DESI2: variants seen among roughly 807,000 people sequenced by gnomAD.
DESI2 encodes desumoylating isopeptidase 2.
Under a neutral mutation model 24.1 loss-of-function variants are expected in DESI2, and 10 were observed. The ratio of observed to expected loss-of-function variants is 0.41; its 90% CI spans 0.26 to 0.70. The LOEUF (loss-of-function observed/expected upper bound fraction) is 0.70. DESI2 is among the 30% of genes least tolerant of loss of function. DESI2 has a pLI of 0.29. For missense variants in DESI2, 122 were observed against 234.9 expected (o/e 0.52, Z 3.14); for synonymous variants, 71 against 87.7 (o/e 0.81, Z 1.06).
chr1:244,653,504 A>T (rs1206573396), intron 1 of DESI2, 149 bp downstream of exon 1: 1 of 742,540 alleles, frequency 1.3e-6, no homozygotes, highest in Admixed American at 3.9e-5. Flanking sequence ...AGGAGGGAGT[A>T]TTGTTATTTT....
chr1:244,686,532 C>G, intron 1 of DESI2, 65 bp from the exon 2 acceptor site: 1 of 1,007,924 alleles, frequency 9.9e-7, no homozygotes, highest in Non-Finnish European at 1.6e-6. Flanking sequence ...GCAGTCACTT[C>G]TGTAGCGCGG....
At chr1:244,702,519 A>T in intron 4 of DESI2, among the ~76,000 whole-genome samples, 2 of 146,750 alleles carry the variant, frequency 1.4e-5, no homozygotes, top group South Asian at 4.2e-4. Flanking sequence ...ATCTCAAAAA[A>T]TAAATAAATA....
chr1:244,686,508 T>C, intron 1 of DESI2, 89 bp from the exon 2 acceptor site: 1 of 812,210 alleles, frequency 1.2e-6, no homozygotes, highest in Non-Finnish European at 2.1e-6. Flanking sequence ...AGTTTCAGAG[T>C]GAAAGACTGG....
chr1:244,657,068 C>T (rs1675673032), intron 1 of DESI2, among the ~76,000 whole-genome samples: 1 of 152,218 alleles, frequency 6.6e-6, no homozygotes, highest in Non-Finnish European at 1.5e-5. Flanking sequence ...CCACTGTGCC[C>T]AGCCAGTACC....
chr1:244,659,390 G>A (rs1281350214), intron 1 of DESI2, among the ~76,000 whole-genome samples: 1 of 152,096 alleles, frequency 6.6e-6, no homozygotes, highest in Non-Finnish European at 1.5e-5. Flanking sequence ...GTCTTCACAA[G>A]CCCAAGATCA....
intron 1 of DESI2, among the ~76,000 whole-genome samples, chr1:244,658,224 G>A (rs1675713172): frequency 6.6e-6 from 1 of 152,116 alleles, no homozygotes; most frequent in South Asian, 2.1e-4. Flanking sequence ...AGGATAAAGT[G>A]TAATGCACTT....
chr1:244,660,366 C>A (rs1675799347), intron 1 of DESI2, among the ~76,000 whole-genome samples: 2 of 152,158 alleles, frequency 1.3e-5, no homozygotes, highest in South Asian at 4.1e-4. Flanking sequence ...CAGGGTTTCA[C>A]CATGTTGGCC....
chr1:244,705,480 C>CA, intron 4 of DESI2, 76 bp from the exon 5 acceptor site: 4 of 1,309,400 alleles, frequency 3.1e-6, no homozygotes, highest in Non-Finnish European at 4.4e-6. Flanking sequence ...CCCCTCCTCC[C>CA]ACCCTCCACT....
intron 4 of DESI2, among the ~76,000 whole-genome samples, chr1:244,700,632 T>A (rs575090208): frequency 6.6e-6 from 1 of 152,310 alleles, no homozygotes; most frequent in Admixed American, 6.5e-5. Context: ...CCCCCACCAG[T>A]AGATGAAACT....
intron 1 of DESI2, among the ~76,000 whole-genome samples, chr1:244,665,841 G>T (rs535887938): frequency 6.6e-6 from 1 of 152,190 alleles, no homozygotes; most frequent in Non-Finnish European, 1.5e-5. Flanking sequence ...GTGTGAGCCA[G>T]TTCCTTAAAA....
Position 244,708,914 on chromosome 1 carries a change from T to C in DESI2, c.*3125T>C, listed in dbSNP as rs1318244049. 6.6e-6 allele frequency: 1 copy of C among 152,666 alleles called. No individual in the cohort carries two copies. Among genetic ancestry groups the C allele is most frequent in the African/African-American group, 2.4e-5 (1 of 41,456 alleles). The allele number at this position is 152,666 out of a possible 1,614,324, so 9.5% of individuals were successfully genotyped here. On this transcript the variant is annotated 3_prime_UTR_variant, in exon 5 of 5. Coordinates refer to ENST00000302550, the MANE Select transcript of DESI2 (RefSeq NM_016076.5). ...GAAGTTGAATGCAAGTGTACTGTCATTCATAGTGTTTATATCAAAATACCA... is the reference window on the plus strand; with the variant it reads ...GAAGTTGAATGCAAGTGTACTGTCACTCATAGTGTTTATATCAAAATACCA...
intron 4 of DESI2, among the ~76,000 whole-genome samples, chr1:244,701,863 C>T (rs1378172895): frequency 6.6e-6 from 1 of 152,086 alleles, no homozygotes; most frequent in African/African-American, 2.4e-5. Flanking sequence ...ATTTATTCAA[C>T]CTGTTAATGG....
intron 4 of DESI2, 49 bp from the exon 5 acceptor site, chr1:244,705,507 G>C (rs778513614): frequency 6.5e-7 from 1 of 1,537,782 alleles, no homozygotes; most frequent in Admixed American, 1.7e-5. Context: ...CAGTGGACCA[G>C]GTAATCTTAA....
intron 1 of DESI2, among the ~76,000 whole-genome samples, chr1:244,685,779 T>A (rs1431830916): frequency 5.9e-5 from 9 of 152,246 alleles, no homozygotes; most frequent in Non-Finnish European, 1.2e-4. Flanking sequence ...TTTTGAGTGT[T>A]ACCTAAGTGT....
intron 1 of DESI2, among the ~76,000 whole-genome samples, chr1:244,663,208 T>C (rs933246672): frequency 1.3e-5 from 2 of 151,824 alleles, no homozygotes; most frequent in African/African-American, 4.8e-5. Context: ...TTTTTTGACA[T>C]GGAGTCTCGC....
chr1:244,658,500 C>G (rs890678351), intron 1 of DESI2, among the ~76,000 whole-genome samples: 15 of 152,138 alleles, frequency 9.9e-5, no homozygotes, highest in African/African-American at 3.6e-4. Context: ...TCGTGCCTGT[C>G]TCCATTACTG....
At chr1:244,653,709 CGG>C (rs1297862598) in intron 1 of DESI2, 11 of 377,064 alleles carry the variant, frequency 2.9e-5, no homozygotes, top group Non-Finnish European at 5.4e-5. Flanking sequence ...TGCCGGCCCC[CGG>C]GGCTGCCCCG....
intron 4 of DESI2, among the ~76,000 whole-genome samples, chr1:244,699,578 C>CAAAAAAAAAAAAA (rs559295405): frequency 3.0e-4 from 20 of 66,220 alleles, no homozygotes; most frequent in African/African-American, 4.1e-4. Context: ...GAGACTGTCT[C>CAAAAAAAAAAAAA]AAAAAAAAAA....
At chr1:244,656,977 T>C (rs542426087) in intron 1 of DESI2, among the ~76,000 whole-genome samples, 2 of 152,244 alleles carry the variant, frequency 1.3e-5, no homozygotes, top group East Asian at 3.9e-4. Flanking sequence ...TTCACCATGT[T>C]GGCTAGGCTT....
Sources: gnomAD v4.1 joint callset for allele counts (sites outside exome capture counted in the v4.1 genomes callset) on GRCh38, gnomAD v4.1.1 for gene constraint, MANE v1.5 for transcripts, NCBI Gene and HGNC (gene_info 2026-07-23, HGNC 2026-07-21) for gene names.